KCNK12: variants seen among roughly 807,000 people sequenced by gnomAD.
KCNK12 encodes potassium channel subfamily K member 12.
KCNK12 carries 6 observed loss-of-function variants against 25.3 expected under a neutral mutation model. The ratio of observed to expected loss-of-function variants is 0.24; its 90% CI spans 0.13 to 0.47. The LOEUF (loss-of-function observed/expected upper bound fraction) is 0.47. Ranked by LOEUF, KCNK12 falls within the 20% of genes least tolerant of loss-of-function variation. The probability of loss-of-function intolerance (pLI) is 0.99; values close to 1 mark genes in which losing one functional copy is unlikely to be tolerated. For missense variants in KCNK12, 444 were observed against 661.7 expected, an observed-to-expected ratio of 0.67 and a Z score of 3.61; for synonymous variants, 331 against 311.1, an observed-to-expected ratio of 1.06 and a Z score of -0.67.
At chr2:47,550,157 G>C (rs979227407) in intron 1 of KCNK12, among the ~76,000 whole-genome samples, 1 of 152,036 alleles carries the variant, frequency 6.6e-6, no homozygotes, top group Admixed American at 6.6e-5. Context: ...CAAAAAGAGA[G>C]GATAGGGTAG....
intron 1 of KCNK12, among the ~76,000 whole-genome samples, chr2:47,532,968 C>G (rs564853641): frequency 2.7e-4 from 41 of 152,126 alleles, no homozygotes; most frequent in African/African-American, 8.9e-4. Context: ...CCTTCTCGGA[C>G]CCTCGCTTCT....
At chr2:47,531,267 G>A (rs1668920568) in intron 1 of KCNK12, among the ~76,000 whole-genome samples, 1 of 152,120 alleles carries the variant, frequency 6.6e-6, no homozygotes, top group Admixed American at 6.5e-5. Flanking sequence ...GAGCCCAGGA[G>A]TTCAAGACCA....
At chr2:47,564,188 T>C (rs746796044) in intron 1 of KCNK12, 9 of 231,206 alleles carry the variant, frequency 3.9e-5, no homozygotes, top group Non-Finnish European at 6.8e-5. Flanking sequence ...CCCCTTTCCA[T>C]GGAGCAATTA....
chr2:47,559,454 C>T (rs1455412714), intron 1 of KCNK12, among the ~76,000 whole-genome samples: 1 of 152,180 alleles, frequency 6.6e-6, no homozygotes, highest in Non-Finnish European at 1.5e-5. Context: ...CTCATTCATT[C>T]CATCCACTCA....
Position 47,512,512 on chromosome 2 carries a change from A to C in KCNK12, c.*8395T>G. On this transcript the variant is annotated 3_prime_UTR_variant, in exon 2 of 2. Coordinates refer to ENST00000327876, the MANE Select transcript of KCNK12 (RefSeq NM_022055.2). ...TCCCTTCTGTAAACATTTCCCTCAA[A>C]ATGGAGCAGGAAGCTCTCAAAAATG... 1.4e-6 allele frequency: 2 copies of C among 1,444,622 alleles called. No individual in the cohort carries two copies. The highest frequency in any genetic ancestry group is 1.9e-6 in the Non-Finnish European group (2 of 1,076,342). The allele number at this position is 1,444,622 out of a possible 1,614,324, so 89.5% of individuals were successfully genotyped here.
intron 1 of KCNK12, chr2:47,563,902 G>C: frequency 4.3e-6 from 1 of 232,264 alleles, no homozygotes; most frequent in East Asian, 6.1e-5. Context: ...TTCTCTCTCA[G>C]CTGGCTTGGC....
Position 47,570,088 on chromosome 2 carries a change from C to T in KCNK12, c.244G>A (p.Ala82Thr). 1 of 1,388,260 alleles carries T rather than the reference C, an allele frequency of 7.2e-7. No individual in the cohort carries two copies. The highest frequency in any genetic ancestry group is 9.3e-7 in the Non-Finnish European group (1 of 1,071,908). 86.0% of individuals were successfully genotyped at this position (1,388,260 alleles called of 1,614,324 possible). The change falls in exon 1 of 2, where the codon GCG (alanine) becomes ACG (threonine). Residue 82 changes from alanine to threonine, a missense_variant. Physicochemically the swap from Ala to Thr is moderately conservative, Grantham distance 58. Around this residue, in one of 8 missense-constraint regions of KCNK12, gnomAD observed 106 missense variants for 142.2 expected, o/e 0.75. Transcript: ENST00000327876. The stretch of plus-strand genomic sequence containing the variant: ...AGCTCTGGCTCGGCCACGCCGTGCG[C>T]AGCGCTGAAGTTGCGCAGCGTGGCG... ...WGATLRNFSA[A>T]HGVAEPELRA...
At chr2:47,550,486 G>A (rs1669405887) in intron 1 of KCNK12, among the ~76,000 whole-genome samples, 1 of 146,270 alleles carries the variant, frequency 6.8e-6, no homozygotes. Flanking sequence ...GGGTTCAAGT[G>A]ATTCTCCTGC....
chr2:47,537,621 G>A (rs1573639989), intron 1 of KCNK12, among the ~76,000 whole-genome samples: 1 of 152,192 alleles, frequency 6.6e-6, no homozygotes, highest in Non-Finnish European at 1.5e-5. Flanking sequence ...GAGCCACCGC[G>A]CCCAGCTGTG....
rs1668971686 is a variant in KCNK12 at position 47,533,074 on chromosome 2, G to C, written c.392-11266C>G. Among the ~76,000 whole-genome samples, 1 of 152,082 alleles carries C rather than the reference G, an allele frequency of 6.6e-6. No individual in the cohort carries two copies. The highest frequency in any genetic ancestry group is 1.5e-5 in the Non-Finnish European group (1 of 68,012). The stretch of plus-strand genomic sequence containing the variant: ...CGCCCAGGCTGGAGTGCAGTGGTGT[G>C]ATCTTGGCTCACTGCAACCTCCACC... On this transcript the variant is annotated intron_variant, in intron 1 of 1. Coordinates refer to ENST00000327876, the MANE Select transcript of KCNK12 (RefSeq NM_022055.2). This position sits in a 1 kb window ranked among gnomAD's most constrained non-coding sequence, Gnocchi z 4.7.
rs547214744 is a variant in KCNK12 at position 47,526,041 on chromosome 2, G to A, written c.392-4233C>T. ...TGATTAGAAGTGAATTTGAAGATTT[G>A]ATTAAACAACTGAGAACGAGTCTCA... On this transcript the variant is annotated intron_variant, in intron 1 of 1. Transcript: ENST00000327876. 9.2e-5 allele frequency among the ~76,000 whole-genome samples: 14 copies of A among 152,198 alleles called. No homozygotes were observed. In the East Asian group the frequency reaches 2.5e-3, roughly 27 times the overall value.
chr2:47,549,827 A>G (rs1257733408), intron 1 of KCNK12, among the ~76,000 whole-genome samples: 1 of 152,006 alleles, frequency 6.6e-6, no homozygotes, highest in Admixed American at 6.6e-5. Context: ...CTAGCTACTC[A>G]GGAGGCTGAG....
Position 47,509,758 on chromosome 2 carries a change from C to A in KCNK12, c.*11149G>T, listed in dbSNP as rs551861620. 1.8e-4 allele frequency among the ~76,000 whole-genome samples: 28 copies of A among 152,300 alleles called. No individual in the cohort carries two copies. The highest frequency in any genetic ancestry group is 1.2e-3 in the Admixed American group (18 of 15,300). On this transcript the variant is annotated 3_prime_UTR_variant, in exon 2 of 2. Coordinates refer to ENST00000327876, the MANE Select transcript of KCNK12 (RefSeq NM_022055.2). ...CTTGACCCTGACTCATGCCGCCAGGCCTAATTTATAAACCAAGACAAGAAA... is the reference window on the plus strand; with the variant it reads ...CTTGACCCTGACTCATGCCGCCAGGACTAATTTATAAACCAAGACAAGAAA...
In KCNK12 at chr2:47,545,914, C is replaced by CTTTTT. The variant is rs541242406; in HGVS notation, c.391+24022_391+24026dup. Among the ~76,000 whole-genome samples, 9 of 145,096 alleles carry CTTTTT rather than the reference C, an allele frequency of 6.2e-5. No homozygotes were observed. In the South Asian group the frequency reaches 2.0e-3, roughly 32 times the overall value. On this transcript the variant is annotated intron_variant, in intron 1 of 1. Coordinates refer to ENST00000327876, the MANE Select transcript of KCNK12 (RefSeq NM_022055.2). ...GCCGAGACTGAATTGCACTTAACTT[C>CTTTTT]TTTTTTTTTTTTTTCTCAAATAATT...
In KCNK12 at chr2:47,517,771, G is replaced by A. The variant is rs116280286; in HGVS notation, c.*3136C>T. On this transcript the variant is annotated 3_prime_UTR_variant, in exon 2 of 2. Transcript: ENST00000327876. This position sits in a 1 kb window ranked among gnomAD's most constrained non-coding sequence, Gnocchi z 4.1. ...GCTTTAGCAAGCTAGGACACCCAGG[G>A]TGGCTTCTTTACCTTTCTCCTCAGC... 3,730 of 152,266 alleles carry A rather than the reference G, an allele frequency of 0.024. 77 individuals are homozygous for A. Among genetic ancestry groups the A allele is most frequent in the Non-Finnish European group, 0.037 (2,486 of 68,060 alleles). 9.4% of individuals were successfully genotyped at this position (152,266 alleles called of 1,614,324 possible). A position where few individuals can be genotyped will look rare whatever the true frequency, so the allele number is the denominator to read the frequency against.
rs577443102 is a variant in KCNK12, at chr2:47,554,830, C to T, written c.391+15111G>A. Among the ~76,000 whole-genome samples the T allele has an allele frequency of 2.0e-3, 304 of 152,246 alleles. 1 individual carries two copies. Among genetic ancestry groups the T allele is most frequent in the African/African-American group, 7.1e-3 (295 of 41,548 alleles). Reference sequence around the variant, plus strand: ...CCCCAGCAAGAAATGATGGTGACAGCTGGAGTAGACTGGTCGTGATGGGCA... The same window carrying T: ...CCCCAGCAAGAAATGATGGTGACAGTTGGAGTAGACTGGTCGTGATGGGCA... On this transcript the variant is annotated intron_variant, in intron 1 of 1. Coordinates refer to ENST00000327876, the MANE Select transcript of KCNK12 (RefSeq NM_022055.2).
rs553362097 is a variant in KCNK12, at chr2:47,512,601, C to T, written c.*8306G>A. ...GATTCCAGGACTTACAGTGAGAAAGCGCCTTCTGGGAACTTCACAATGGCT... is the reference window on the plus strand; with the variant it reads ...GATTCCAGGACTTACAGTGAGAAAGTGCCTTCTGGGAACTTCACAATGGCT... On this transcript the variant is annotated 3_prime_UTR_variant, in exon 2 of 2. Transcript: ENST00000327876. 9.8e-5 allele frequency: 73 copies of T among 746,076 alleles called. 1 individual carries two copies. The highest frequency in any genetic ancestry group is 9.8e-4 in the Admixed American group (32 of 32,710). 46.2% of individuals were successfully genotyped at this position (746,076 alleles called of 1,614,324 possible).
At chr2:47,523,024 C>T (rs894266942) in intron 1 of KCNK12, among the ~76,000 whole-genome samples, 1 of 152,192 alleles carries the variant, frequency 6.6e-6, no homozygotes, top group African/African-American at 2.4e-5. Flanking sequence ...TCAACTGCAG[C>T]TCCTCTTCTT....
At chr2:47,531,585 G>T (rs1668930751) in intron 1 of KCNK12, among the ~76,000 whole-genome samples, 1 of 152,196 alleles carries the variant, frequency 6.6e-6, no homozygotes, top group African/African-American at 2.4e-5. Context: ...CACTGGGCAG[G>T]GTGAGGGGGT....
Sources: allele counts gnomAD v4.1 joint callset (sites outside exome capture counted in the v4.1 genomes callset), GRCh38; gene constraint gnomAD v4.1.1; regional missense constraint gnomAD v4.1.1; non-coding constraint Gnocchi (gnomAD v3.1); transcripts MANE v1.5; gene names NCBI Gene and HGNC (gene_info 2026-07-23, HGNC 2026-07-21).